SUPT3H: variants seen among roughly 807,000 people sequenced by gnomAD.
SUPT3H encodes SPT3 homolog, SAGA and STAGA complex component.
Under a neutral mutation model 44.3 loss-of-function variants are expected in SUPT3H, and 44 were observed. The observed-to-expected ratio is 0.99, with a 90% CI of 0.78 to 1.28. The LOEUF (loss-of-function observed/expected upper bound fraction) is 1.28. Among genes scored for constraint, SUPT3H ranks in the 50% most tolerant of loss-of-function variants. The pLI, the probability that SUPT3H is intolerant of heterozygous loss-of-function variation, is 0.00. For missense variants in SUPT3H, 380 were observed against 387.1 expected, an observed-to-expected ratio of 0.98 and a Z score of 0.15; for synonymous variants, 124 against 125.6, an observed-to-expected ratio of 0.99 and a Z score of 0.09.
chr6:45,255,727 T>C (rs1474062327), intron 2 of SUPT3H, among the ~76,000 whole-genome samples: 3 of 152,122 alleles, frequency 2.0e-5, no homozygotes, highest in African/African-American at 7.2e-5. Context: ...CCAGACTAGG[T>C]AGATACTATT....
chr6:45,240,085 C>T (rs578221800), intron 2 of SUPT3H, among the ~76,000 whole-genome samples: 1 of 152,240 alleles, frequency 6.6e-6, no homozygotes, highest in African/African-American at 2.4e-5. Flanking sequence ...AGAGGTTATG[C>T]TTGTCTTTCT....
At chr6:44,907,876 TGTTAA>T (rs1766362592) in intron 10 of SUPT3H, among the ~76,000 whole-genome samples, 1 of 152,114 alleles carries the variant, frequency 6.6e-6, no homozygotes, top group Non-Finnish European at 1.5e-5. Flanking sequence ...TTTTCCTCAA[TGTTAA>T]GTTAAAGAAA....
intron 3 of SUPT3H, among the ~76,000 whole-genome samples, chr6:45,055,743 T>G (rs1791011202): frequency 6.6e-6 from 1 of 151,900 alleles, no homozygotes; most frequent in African/African-American, 2.4e-5. Context: ...TGGAAAAAAC[T>G]CTTCTTAGAC....
chr6:45,358,117 C>T (rs554036025), intron 2 of SUPT3H, among the ~76,000 whole-genome samples: 3 of 149,256 alleles, frequency 2.0e-5, no homozygotes, highest in Admixed American at 6.6e-5. Context: ...AATCAATGAC[C>T]GTGTTAAAAT....
At chr6:45,040,784 C>T (rs1788412365) in intron 3 of SUPT3H, among the ~76,000 whole-genome samples, 1 of 152,120 alleles carries the variant, frequency 6.6e-6, no homozygotes, top group Non-Finnish European at 1.5e-5. Context: ...TACGGAAATT[C>T]AGACAACAAA....
At chr6:45,188,781 T>A (rs1021210814) in intron 2 of SUPT3H, among the ~76,000 whole-genome samples, 4 of 152,188 alleles carry the variant, frequency 2.6e-5, no homozygotes, top group African/African-American at 9.7e-5. Context: ...TCACCTCTAC[T>A]GTACTCATTG....
At chr6:45,003,628 G>T in intron 6 of SUPT3H, 25 bp downstream of exon 6, 1 of 1,608,684 alleles carries the variant, frequency 6.2e-7, no homozygotes, top group Non-Finnish European at 8.5e-7. Flanking sequence ...TTCTATTTCT[G>T]TAAAAAGGGA....
intron 3 of SUPT3H, among the ~76,000 whole-genome samples, chr6:45,084,589 T>C (rs533741364): frequency 1.3e-5 from 2 of 152,282 alleles, no homozygotes; most frequent in African/African-American, 4.8e-5. Flanking sequence ...AGAAGTATCA[T>C]CTGACCCAGG....
chr6:45,217,065 A>T lies in SUPT3H; in HGVS notation c.102-111059T>A, dbSNP rs1584313031. ...TTCTAATTTGATCATTACACATTGT[A>T]TTTAAATATTGCTCAATGCCCCATA... On this transcript the variant is annotated intron_variant, in intron 2 of 10. Coordinates refer to ENST00000371459, the MANE Select transcript of SUPT3H (RefSeq NM_003599.4). 2.0e-5 allele frequency among the ~76,000 whole-genome samples: 3 copies of T among 152,356 alleles called. No individual in the cohort carries two copies. In the South Asian group the frequency reaches 6.2e-4, roughly 32 times the overall value.
At chr6:45,050,909 G>C (rs532768999) in intron 3 of SUPT3H, among the ~76,000 whole-genome samples, 41 of 132,190 alleles carry the variant, frequency 3.1e-4, no homozygotes, top group Middle Eastern at 5.0e-3. Context: ...TTTTGAGATG[G>C]AGTCTCGCTC....
chr6:45,150,946 C>T (rs1271502638), intron 2 of SUPT3H, among the ~76,000 whole-genome samples: 1 of 152,016 alleles, frequency 6.6e-6, no homozygotes, highest in African/African-American at 2.4e-5. Flanking sequence ...TGGTCTCGAA[C>T]TCCTGACCTC....
At chr6:45,244,297 C>A (rs1239725692) in intron 2 of SUPT3H, among the ~76,000 whole-genome samples, 1 of 152,172 alleles carries the variant, frequency 6.6e-6, no homozygotes, top group Non-Finnish European at 1.5e-5. Flanking sequence ...TACGCTCCCA[C>A]AGTTCTTCTC....
At chr6:45,057,605 T>G (rs1382272939) in intron 3 of SUPT3H, among the ~76,000 whole-genome samples, 1 of 152,174 alleles carries the variant, frequency 6.6e-6, no homozygotes, top group African/African-American at 2.4e-5. Context: ...GATGGCAGTA[T>G]TTATTTTGCT....
Position 45,376,198 on chromosome 6 carries a change from T to A in SUPT3H, c.-1+1570A>T, listed in dbSNP as rs182439711. Among the ~76,000 whole-genome samples the A allele has an allele frequency of 2.6e-3, 395 of 152,340 alleles. 2 individuals carry two copies. The highest frequency in any genetic ancestry group is 8.5e-3 in the African/African-American group (355 of 41,574). ...CGTTTTGCTTTAATTTGTCAAGATG[T>A]AAATAAGTACTAACAGACCCATGGT... On this transcript the variant is annotated intron_variant, in intron 1 of 10. Coordinates refer to ENST00000371459, the MANE Select transcript of SUPT3H (RefSeq NM_003599.4).
chr6:45,316,654 A>T (rs1364751297), intron 2 of SUPT3H, among the ~76,000 whole-genome samples: 1 of 152,174 alleles, frequency 6.6e-6, no homozygotes, highest in African/African-American at 2.4e-5. Context: ...AATTTTAAAA[A>T]ACTCATTAAC....
intron 3 of SUPT3H, among the ~76,000 whole-genome samples, chr6:45,050,131 A>ACT (rs1220724610): frequency 3.3e-5 from 5 of 152,154 alleles, no homozygotes; most frequent in South Asian, 2.1e-4. Flanking sequence ...CTCCTGAGTA[A>ACT]AATCTCCTGA....
At chr6:44,831,853 G>A (rs1454060877) in intron 10 of SUPT3H, among the ~76,000 whole-genome samples, 1 of 152,074 alleles carries the variant, frequency 6.6e-6, no homozygotes, top group Non-Finnish European at 1.5e-5. Flanking sequence ...TTGAAAGATC[G>A]ATTCACCTTC....
intron 1 of SUPT3H, among the ~76,000 whole-genome samples, chr6:45,366,696 G>A (rs976279615): frequency 6.6e-6 from 1 of 152,064 alleles, no homozygotes; most frequent in Non-Finnish European, 1.5e-5. Context: ...TTCTTTATAA[G>A]TTGAGTTTTC....
chr6:45,002,243 G>C lies in SUPT3H; in HGVS notation c.504+1410C>G, dbSNP rs1232217152. On this transcript the variant is annotated intron_variant, in intron 6 of 10. Coordinates refer to ENST00000371459, the MANE Select transcript of SUPT3H (RefSeq NM_003599.4). ...ATCTCCAGATATTTTATTGACTTTAGTACCCTGCTGACCCCCAGTTTTCTA... is the reference window on the plus strand; with the variant it reads ...ATCTCCAGATATTTTATTGACTTTACTACCCTGCTGACCCCCAGTTTTCTA... Among the ~76,000 whole-genome samples the C allele has an allele frequency of 2.6e-5, 4 of 151,878 alleles. No individual in the cohort carries two copies. In the East Asian group the frequency reaches 5.8e-4, roughly 22 times the overall value.
Sources: allele counts gnomAD v4.1 joint callset (sites outside exome capture counted in the v4.1 genomes callset), GRCh38; gene constraint gnomAD v4.1.1; transcripts MANE v1.5; gene names NCBI Gene and HGNC (gene_info 2026-07-23, HGNC 2026-07-21).